The following PARD3B variants were observed in gnomAD, a reference collection of about 807,000 sequenced individuals.
PARD3B encodes partitioning defective 3 homolog B.
Under a neutral mutation model 130.2 loss-of-function variants are expected in PARD3B, and 103 were observed. The ratio of observed to expected loss-of-function variants is 0.79; its 90% CI spans 0.67 to 0.93. The LOEUF (loss-of-function observed/expected upper bound fraction) is 0.93, where lower values mean the gene tolerates loss of function less well. Among genes scored for constraint, PARD3B ranks in the 40% least tolerant of loss-of-function variants. The pLI, the probability that PARD3B is intolerant of heterozygous loss-of-function variation, is 0.00. For missense variants in PARD3B, 1,609 were observed against 1,499.2 expected, an observed-to-expected ratio of 1.07 and a Z score of -1.21; for synonymous variants, 583 against 553.2, an observed-to-expected ratio of 1.05 and a Z score of -0.76.
chr2:205,113,329 A>G (rs1305231694), intron 5 of PARD3B, among the ~76,000 whole-genome samples, 162 bp from the exon 6 acceptor site: 1 of 152,104 alleles, frequency 6.6e-6, no homozygotes, highest in Non-Finnish European at 1.5e-5. Context: ...TCATCTGAAC[A>G]TACCAATAAA....
chr2:205,345,899 G>A lies in PARD3B; in HGVS notation c.2630+44198G>A, dbSNP rs541048947. ...AAAAAAAGAAGATGCAGCTGGGTGT[G>A]GTGGCTCACGCCTGTAATCCCAGCA... is the stretch of plus-strand genomic sequence containing the variant. On this transcript the variant is annotated intron_variant, in intron 18 of 22. Coordinates refer to ENST00000406610, the MANE Select transcript of PARD3B (RefSeq NM_001302769.2). 3.1e-5 allele frequency among the ~76,000 whole-genome samples: 2 copies of A among 64,454 alleles called. 1 individual carries two copies. Among genetic ancestry groups the A allele is most frequent in the African/African-American group, 6.5e-5 (2 of 30,662 alleles). 42.3% of individuals were successfully genotyped at this position (64,454 alleles called of 152,430 possible). A position where few individuals can be genotyped will look rare whatever the true frequency, so the allele number is the denominator to read the frequency against.
chr2:205,334,188 T>A (rs16837232), intron 18 of PARD3B, among the ~76,000 whole-genome samples: 5,156 of 152,262 alleles, frequency 0.034, 101 homozygotes, highest in Middle Eastern at 0.058. Context: ...TCTCTTCAGT[T>A]TATAACTGTG....
chr2:204,938,162 A>G (rs1043087328), intron 2 of PARD3B, among the ~76,000 whole-genome samples: 16 of 152,200 alleles, frequency 1.1e-4, no homozygotes, highest in African/African-American at 3.9e-4. Context: ...CTCATTGGAA[A>G]TATTAAAGGG....
At position 205,551,885 on chromosome 2, in the gene PARD3B, T is replaced by C. The variant is rs2052661584; in HGVS notation, c.3181-1439T>C. On this transcript the variant is annotated intron_variant, in intron 21 of 22. Coordinates refer to ENST00000406610, the MANE Select transcript of PARD3B (RefSeq NM_001302769.2). ...GCAAAATCTCTTCCTTCCCACCTGA[T>C]AGTCCAAGTTTTCTATTTACTCCTT... Among the ~76,000 whole-genome samples, 3 of 152,318 alleles carry C rather than the reference T, an allele frequency of 2.0e-5. 1 individual carries two copies. The highest frequency in any genetic ancestry group is 3.9e-4 in the East Asian group (2 of 5,172).
rs771383979 is a variant in PARD3B, at chr2:205,446,381, G to A, written c.3044+5709G>A. ...CAATAGGCTGTTTAATAGCATAGGCGGTTTATCCTCATCTACTTATTTGTA... is the reference window on the plus strand; with the variant it reads ...CAATAGGCTGTTTAATAGCATAGGCAGTTTATCCTCATCTACTTATTTGTA... On this transcript the variant is annotated intron_variant, in intron 20 of 22. Transcript: ENST00000406610. The surrounding 1 kb of genome is among the most constrained non-coding windows in gnomAD (Gnocchi z 4.4). Among the ~76,000 whole-genome samples the A allele has an allele frequency of 6.6e-6, 1 of 152,046 alleles. No homozygotes were observed.
intron 1 of PARD3B, among the ~76,000 whole-genome samples, chr2:204,582,281 G>C (rs2032596370): frequency 6.6e-6 from 1 of 152,144 alleles, no homozygotes; most frequent in African/African-American, 2.4e-5. Context: ...GTTACATCTT[G>C]CAAAGTGTAG....
chr2:204,800,064 G>C (rs1344829206), intron 2 of PARD3B, among the ~76,000 whole-genome samples: 5 of 152,202 alleles, frequency 3.3e-5, no homozygotes, highest in African/African-American at 1.2e-4. Context: ...GAGTGACAGA[G>C]ATGTGTAATT....
rs1691120402 is a variant in PARD3B, at chr2:204,965,164, T to C, written c.235T>C (p.Phe79Leu). Residue 79 changes from phenylalanine to leucine, a missense_variant, in exon 3 of 23, where the codon TTT (phenylalanine) becomes CTT (leucine). By Grantham distance (22) the Phe-to-Leu change is conservative. Transcript: ENST00000406610. ...GATTTGTTTGTAGCTGATTGCTGTG[T>C]TTGAAGAACAAGAACCACTCCACAA... ...VEDKDKLIAV[F>L]EEQEPLHKIE... 1 of 1,613,428 alleles carries C rather than the reference T, an allele frequency of 6.2e-7. No individual in the cohort carries two copies. The highest frequency in any genetic ancestry group is 8.5e-7 in the Non-Finnish European group (1 of 1,179,684).
intron 1 of PARD3B, among the ~76,000 whole-genome samples, chr2:204,660,949 A>G (rs1373656491): frequency 6.6e-6 from 1 of 152,110 alleles, no homozygotes; most frequent in Non-Finnish European, 1.5e-5. Flanking sequence ...TTAAACCCAA[A>G]TTTTCTTTCA....
At chr2:205,361,029 C>T (rs1036706430) in intron 18 of PARD3B, among the ~76,000 whole-genome samples, 6 of 152,046 alleles carry the variant, frequency 3.9e-5, no homozygotes, top group East Asian at 1.9e-4. Flanking sequence ...TCACATGCTC[C>T]GTTTTGCAGA....
At chr2:204,595,521 A>G (rs925566622) in intron 1 of PARD3B, among the ~76,000 whole-genome samples, 1 of 152,212 alleles carries the variant, frequency 6.6e-6, no homozygotes, top group Non-Finnish European at 1.5e-5. Context: ...GTGATGAGGA[A>G]TGAGGACAGC....
rs964882289 is a variant in PARD3B, at chr2:205,366,440, C to T, written c.2631-34573C>T. ...GTTCTCTCAGTGGTTATTACAGCAG[C>T]TTATATTTATGAAGTGTCTTTTTCT... On this transcript the variant is annotated intron_variant, in intron 18 of 22. Transcript: ENST00000406610. The surrounding 1 kb of genome is among the most constrained non-coding windows in gnomAD (Gnocchi z 5.0). Among the ~76,000 whole-genome samples, 1 of 152,106 alleles carries T rather than the reference C, an allele frequency of 6.6e-6. No homozygotes were observed. Among genetic ancestry groups the T allele is most frequent in the Non-Finnish European group, 1.5e-5 (1 of 68,022 alleles).
At chr2:205,060,027 C>T (rs969921142) in intron 4 of PARD3B, among the ~76,000 whole-genome samples, 2 of 152,032 alleles carry the variant, frequency 1.3e-5, no homozygotes, top group African/African-American at 4.8e-5. Context: ...ACTTATTTGC[C>T]TTAGATCACA....
chr2:204,655,149 G>C (rs1403852361), intron 1 of PARD3B, among the ~76,000 whole-genome samples: 16 of 152,138 alleles, frequency 1.1e-4, no homozygotes. Flanking sequence ...TCTTCCTGTT[G>C]ATTCTCCCCT....
Position 205,563,839 on chromosome 2 carries a change from C to T in PARD3B, c.3260+10436C>T, listed in dbSNP as rs1229189475. On this transcript the variant is annotated intron_variant, in intron 22 of 22. Coordinates refer to ENST00000406610, the MANE Select transcript of PARD3B (RefSeq NM_001302769.2). This position sits in a 1 kb window ranked among gnomAD's most constrained non-coding sequence, Gnocchi z 4.2. Reference sequence around the variant, plus strand: ...GGAACATACACAGAGATGTGAGTGGCGCCCCCTAGGGCTGCACAGACCATG... The same window carrying T: ...GGAACATACACAGAGATGTGAGTGGTGCCCCCTAGGGCTGCACAGACCATG... Among the ~76,000 whole-genome samples, 2 of 152,102 alleles carry T rather than the reference C, an allele frequency of 1.3e-5. No individual in the cohort carries two copies. Among genetic ancestry groups the T allele is most frequent in the Admixed American group, 6.5e-5 (1 of 15,272 alleles).
chr2:205,262,743 A>G (rs1017275447), intron 16 of PARD3B, among the ~76,000 whole-genome samples: 2 of 152,058 alleles, frequency 1.3e-5, no homozygotes, highest in African/African-American at 4.8e-5. Flanking sequence ...ATGACATGAA[A>G]AGTCCTGACC....
chr2:204,821,168 T>A (rs901805258), intron 2 of PARD3B, among the ~76,000 whole-genome samples: 9 of 152,162 alleles, frequency 5.9e-5, no homozygotes, highest in African/African-American at 2.2e-4. Context: ...GTAGGTCCCA[T>A]AATTCCCACA....
intron 11 of PARD3B, among the ~76,000 whole-genome samples, chr2:205,162,109 G>A (rs2034540062): frequency 6.6e-6 from 1 of 152,094 alleles, no homozygotes. Context: ...TCTAATAGAG[G>A]ATGTAAATCT....
At chr2:205,185,097 T>C (rs2036018399) in intron 13 of PARD3B, among the ~76,000 whole-genome samples, 4 of 152,176 alleles carry the variant, frequency 2.6e-5, no homozygotes, top group Admixed American at 1.3e-4. Context: ...GTGGTGATAT[T>C]AGAGATACAT....
Sources: allele counts gnomAD v4.1 joint callset (sites outside exome capture counted in the v4.1 genomes callset), GRCh38; gene constraint gnomAD v4.1.1; non-coding constraint Gnocchi (gnomAD v3.1); transcripts MANE v1.5; gene names NCBI Gene and HGNC (gene_info 2026-07-23, HGNC 2026-07-21).